Variants in TNNI3K observed in about 807,000 individuals in gnomAD.
The protein encoded by TNNI3K is TNNI3 interacting kinase.
A neutral mutation model predicts 114.5 loss-of-function variants in TNNI3K; 140 were observed. The ratio of observed to expected loss-of-function variants is 1.22; its 90% CI spans 1.07 to 1.41. The LOEUF is 1.41. Among genes scored for constraint, TNNI3K ranks in the 40% most tolerant of loss-of-function variants. The pLI, the probability that TNNI3K is intolerant of heterozygous loss-of-function variation, is 0.00. For synonymous variants in TNNI3K, 347 were observed against 347.5 expected (o/e 1.00, Z 0.02); for missense variants, 1,125 against 1,007.6 (o/e 1.12, Z -1.58).
At chr1:74,463,605 A>T in intron 21 of TNNI3K, 55 bp downstream of exon 21, 2 of 1,588,504 alleles carry the variant, frequency 1.3e-6, no homozygotes, top group African/African-American at 2.7e-5. Context: ...ATCTGTCACA[A>T]ATAGTATAAC....
In TNNI3K at chr1:74,301,067, T is replaced by A. The variant is rs542111299; in HGVS notation, c.444+29359T>A. ...TTTATCTTAAGGATATGACTATGTA[T>A]AAAATACATACACATATTTCTCTCT... On this transcript the variant is annotated intron_variant, in intron 5 of 24. Transcript: ENST00000326637. 5.3e-4 allele frequency among the ~76,000 whole-genome samples: 80 copies of A among 152,302 alleles called. 5 individuals carry two copies. In the South Asian group the frequency reaches 0.017, roughly 32 times the overall value.
chr1:74,526,906 A>G (rs1193423154), intron 23 of TNNI3K, among the ~76,000 whole-genome samples: 4 of 152,188 alleles, frequency 2.6e-5, no homozygotes, highest in Non-Finnish European at 4.4e-5. Context: ...AGCCACACTC[A>G]TTTGTTTACA....
At chr1:74,508,402 A>G (rs1670015495) in intron 23 of TNNI3K, among the ~76,000 whole-genome samples, 1 of 152,252 alleles carries the variant, frequency 6.6e-6, no homozygotes, top group African/African-American at 2.4e-5. Flanking sequence ...TAAAGAAGGT[A>G]TTATGATTTT....
intron 2 of TNNI3K, among the ~76,000 whole-genome samples, chr1:74,239,707 A>C (rs1310099632): frequency 2.0e-5 from 3 of 152,176 alleles, no homozygotes; most frequent in Non-Finnish European, 2.9e-5. Flanking sequence ...TTTTCACCAC[A>C]TAATACACCA....
intron 5 of TNNI3K, among the ~76,000 whole-genome samples, chr1:74,285,891 G>T (rs901139387): frequency 1.3e-5 from 2 of 152,070 alleles, no homozygotes; most frequent in African/African-American, 4.8e-5. Flanking sequence ...CCTATAAAAA[G>T]TATCACAGCC....
chr1:74,483,357 A>G (rs1192801780), intron 21 of TNNI3K: 16 of 717,246 alleles, frequency 2.2e-5, no homozygotes, highest in Non-Finnish European at 3.4e-5. Context: ...CATGATGGCA[A>G]AGAGTACCAG....
intron 17 of TNNI3K, among the ~76,000 whole-genome samples, chr1:74,423,791 C>A (rs761836489): frequency 1.6e-4 from 25 of 152,068 alleles, no homozygotes; most frequent in Non-Finnish European, 3.2e-4. Context: ...TTATCTCCTC[C>A]TTCTTCATAT....
intron 21 of TNNI3K, among the ~76,000 whole-genome samples, chr1:74,479,113 G>A (rs570894584): frequency 1.3e-5 from 2 of 152,188 alleles, no homozygotes; most frequent in East Asian, 1.9e-4. Context: ...TTTAAAATAC[G>A]TCAGTCTTGG....
chr1:74,472,674 C>G (rs1051690035), intron 21 of TNNI3K, among the ~76,000 whole-genome samples: 2 of 152,050 alleles, frequency 1.3e-5, no homozygotes. Flanking sequence ...GAAATACTTG[C>G]AATACTATTG....
intron 20 of TNNI3K, among the ~76,000 whole-genome samples, chr1:74,451,715 C>A (rs1467518332): frequency 2.8e-5 from 1 of 35,516 alleles, no homozygotes; most frequent in African/African-American, 1.2e-4. Context: ...TTCTTTCTTT[C>A]TTTCTTTCTT....
At chr1:74,474,838 T>A (rs555122578) in intron 21 of TNNI3K, among the ~76,000 whole-genome samples, 1 of 152,060 alleles carries the variant, frequency 6.6e-6, no homozygotes, top group East Asian at 1.9e-4. Context: ...TTGACATCAT[T>A]CCTGAAATGA....
intron 17 of TNNI3K, among the ~76,000 whole-genome samples, chr1:74,389,862 T>G (rs1663673843): frequency 6.6e-6 from 1 of 152,026 alleles, no homozygotes; most frequent in Non-Finnish European, 1.5e-5. Flanking sequence ...GAAATAGCAG[T>G]GGGGGTAAAA....
At chr1:74,247,856 G>T (rs1284229519) in intron 2 of TNNI3K, among the ~76,000 whole-genome samples, 2 of 152,200 alleles carry the variant, frequency 1.3e-5, no homozygotes, top group African/African-American at 4.8e-5. Context: ...ATCCCACGCA[G>T]GGGCCGCAGG....
intron 21 of TNNI3K, chr1:74,475,824 A>G: frequency 1.7e-6 from 1 of 576,750 alleles, no homozygotes; most frequent in Admixed American, 3.1e-5. Flanking sequence ...TGACAAATAG[A>G]GAGACCATTA....
intron 17 of TNNI3K, among the ~76,000 whole-genome samples, chr1:74,411,314 T>G (rs1664868307): frequency 6.6e-6 from 1 of 152,178 alleles, no homozygotes; most frequent in Admixed American, 6.6e-5. Flanking sequence ...TGCAGCTAAG[T>G]GCGGATACAC....
intron 20 of TNNI3K, among the ~76,000 whole-genome samples, chr1:74,442,199 C>T (rs1257283670): frequency 6.6e-6 from 1 of 151,724 alleles, no homozygotes; most frequent in East Asian, 1.9e-4. Flanking sequence ...ATGTCCAATT[C>T]TTTTCTCATA....
chr1:74,411,498 A>G (rs968181440), intron 17 of TNNI3K, among the ~76,000 whole-genome samples: 2 of 152,114 alleles, frequency 1.3e-5, no homozygotes, highest in African/African-American at 2.4e-5. Flanking sequence ...GTGTACATTG[A>G]AGAAGGACCC....
intron 23 of TNNI3K, among the ~76,000 whole-genome samples, chr1:74,506,408 C>T (rs1035409828): frequency 2.0e-5 from 3 of 152,126 alleles, no homozygotes; most frequent in Admixed American, 6.5e-5. Context: ...AGATTTGAGC[C>T]GAGATCAGCC....
At chr1:74,472,069 G>A in intron 21 of TNNI3K, 1 of 716,452 alleles carries the variant, frequency 1.4e-6, no homozygotes, top group Non-Finnish European at 2.6e-6. Flanking sequence ...TTGCCTATGA[G>A]GGTGTAAGCC....
Sources: gnomAD v4.1 joint callset for allele counts (sites outside exome capture counted in the v4.1 genomes callset) on GRCh38, gnomAD v4.1.1 for gene constraint, MANE v1.5 for transcripts, NCBI Gene and HGNC (gene_info 2026-07-23, HGNC 2026-07-21) for gene names.